The following CDK20 variants were observed in gnomAD, a reference collection of about 807,000 sequenced individuals.
The protein encoded by CDK20 is cyclin-dependent kinase 20.
Under a neutral mutation model 38.6 loss-of-function variants are expected in CDK20, and 40 were observed. The observed-to-expected ratio is 1.04, with a 90% CI of 0.81 to 1.35. The LOEUF (loss-of-function observed/expected upper bound fraction) is 1.35, where lower values mean the gene tolerates loss of function less well. Ranked by LOEUF, CDK20 falls within the 40% of genes most tolerant of loss-of-function variation. The probability of loss-of-function intolerance (pLI) is 0.00; values close to 1 mark genes in which losing one functional copy is unlikely to be tolerated. For synonymous variants in CDK20, 209 were observed against 185.7 expected (o/e 1.13, Z -1.02); for missense variants, 512 against 452.6 (o/e 1.13, Z -1.19).
intron 2 of CDK20, among the ~76,000 whole-genome samples, chr9:87,972,304 G>C (rs902861719): frequency 6.6e-6 from 1 of 152,292 alleles, no homozygotes; most frequent in Non-Finnish European, 1.5e-5. Flanking sequence ...GGCTAGATGA[G>C]GACCCAGTTT....
chr9:87,970,907 C>A lies in CDK20; in HGVS notation c.379-10G>T. On this transcript the variant is annotated splice_polypyrimidine_tract_variant and intron_variant, in intron 3 of 7. Coordinates refer to ENST00000325303, the MANE Select transcript of CDK20 (RefSeq NM_001039803.3). ...TGGCAGGTTTCAGGTCCTGGGAGTA[C>A]CAAAAGAAGCATCAGTCCCTCCAAA... The A allele has an allele frequency of 6.2e-7, 1 of 1,614,016 alleles. No homozygotes were observed. Among genetic ancestry groups the A allele is most frequent in the Non-Finnish European group, 8.5e-7 (1 of 1,179,966 alleles).
rs1484649872 is a variant in CDK20, at chr9:87,971,286, GC to G, written c.238del (p.Ala80ProfsTer20). 6.2e-7 allele frequency: 1 copy of G among 1,614,000 alleles called. No homozygotes were observed. Among genetic ancestry groups the G allele is most frequent in the South Asian group, 1.1e-5 (1 of 91,046 alleles). ...VFPHGGGFVL[A>X]FEFMLSDLAE... ...CAGATCCGACAGCATGAACTCAAAGGCCAGCACAAAGCCTCCACCGTGTGGG... is the reference window on the plus strand; with the variant it reads ...CAGATCCGACAGCATGAACTCAAAGGCAGCACAAAGCCTCCACCGTGTGGG... On this transcript the variant is annotated frameshift_variant, in exon 3 of 8. Transcript: ENST00000325303. LOFTEE classifies it high-confidence loss of function.
Position 87,966,711 on chromosome 9 carries a change from T to C in CDK20, c.*751A>G, listed in dbSNP as rs756768000. The stretch of plus-strand genomic sequence containing the variant: ...CTGGCTCACGCTCATCCTGAGGGAG[T>C]AGATGTTGGTAAACCAGCCTCATGT... On this transcript the variant is annotated 3_prime_UTR_variant, in exon 8 of 8. Transcript: ENST00000325303. 1 of 248,090 alleles carries C rather than the reference T, an allele frequency of 4.0e-6. No individual in the cohort carries two copies. Among genetic ancestry groups the C allele is most frequent in the Non-Finnish European group, 8.0e-6 (1 of 124,308 alleles). 15.4% of individuals were successfully genotyped at this position (248,090 alleles called of 1,614,324 possible).
chr9:87,969,798 G>C lies in CDK20; in HGVS notation c.685C>G (p.Pro229Ala). 6.2e-7 allele frequency: 1 copy of C among 1,613,708 alleles called. No homozygotes were observed. Among genetic ancestry groups the C allele is most frequent in the Non-Finnish European group, 8.5e-7 (1 of 1,179,802 alleles). ...ILGTPNPQVW[P>A]ELTELPDYNK... ...CCTCACCAAGGGCCCCTACAAACCGGCCAGACTTGAGGGTTTGGGGTGCCC... is the reference window on the plus strand; with the variant it reads ...CCTCACCAAGGGCCCCTACAAACCGCCCAGACTTGAGGGTTTGGGGTGCCC... Residue 229 changes from proline (P) to alanine (A), a missense_variant and splice_region_variant, in exon 6 of 8, where the codon CCG (proline) becomes GCG (alanine). Coordinates refer to ENST00000325303, the MANE Select transcript of CDK20 (RefSeq NM_001039803.3).
chr9:87,973,658 GTGAA>G (rs34409857), intron 2 of CDK20, among the ~76,000 whole-genome samples: 3,860 of 152,216 alleles, frequency 0.025, 148 homozygotes, highest in African/African-American at 0.086. Context: ...AAAAAAGTCG[GTGAA>G]TGAATGAATA....
At chr9:87,970,438 A>G (rs1829765249) in intron 5 of CDK20, 130 bp downstream of exon 5, 3 of 837,824 alleles carry the variant, frequency 3.6e-6, no homozygotes, top group Non-Finnish European at 5.5e-6. Flanking sequence ...GAATACCCCA[A>G]CCAGGGAAGA....
At chr9:87,969,692 G>A (rs1829711434) in intron 6 of CDK20, 104 bp downstream of exon 6, 1 of 1,529,796 alleles carries the variant, frequency 6.5e-7, no homozygotes, top group Non-Finnish European at 8.9e-7. Flanking sequence ...CATCAAGGGG[G>A]GTTGGGGCCA....
At chr9:87,973,552 AAG>A (rs2118339698) in intron 2 of CDK20, among the ~76,000 whole-genome samples, 1 of 152,316 alleles carries the variant, frequency 6.6e-6, no homozygotes, top group South Asian at 2.1e-4. Flanking sequence ...TACAGTAGTA[AAG>A]AGGTCTCAAA....
At chr9:87,974,116 A>T in intron 1 of CDK20, 81 bp from the exon 2 acceptor site, 1 of 1,600,800 alleles carries the variant, frequency 6.2e-7, no homozygotes, top group Admixed American at 1.7e-5. Flanking sequence ...AAGGTGGTTG[A>T]GAGAGAGACA....
chr9:87,967,446 G>T lies in CDK20; in HGVS notation c.*16C>A. The stretch of plus-strand genomic sequence containing the variant: ...GTGGTCCTGAGGAGCAGGCAGACGG[G>T]ACCAGGGCCAACTTCTCACCCCTCC... On this transcript the variant is annotated 3_prime_UTR_variant, in exon 8 of 8. Transcript: ENST00000325303. 6.4e-7 allele frequency: 1 copy of T among 1,552,320 alleles called. No individual in the cohort carries two copies. Among genetic ancestry groups the T allele is most frequent in the South Asian group, 1.2e-5 (1 of 84,046 alleles).
rs760742841 is a variant in CDK20, at chr9:87,971,355, T to G, written c.190-20A>C. 1 of 1,597,284 alleles carries G rather than the reference T, an allele frequency of 6.3e-7. No homozygotes were observed. Among genetic ancestry groups the G allele is most frequent in the Admixed American group, 1.7e-5 (1 of 57,746 alleles). On this transcript the variant is annotated intron_variant, in intron 2 of 7. Coordinates refer to ENST00000325303, the MANE Select transcript of CDK20 (RefSeq NM_001039803.3). ...TACCACCTGTGGGCAGGACATCTTGTTAGCCCCCAGACTCAAGTCACCAGA... is the reference window on the plus strand; with the variant it reads ...TACCACCTGTGGGCAGGACATCTTGGTAGCCCCCAGACTCAAGTCACCAGA...
Position 87,970,765 on chromosome 9 carries a change from G to C in CDK20, c.500+11C>G, listed in dbSNP as rs1829790535. On this transcript the variant is annotated intron_variant, in intron 4 of 7. Coordinates refer to ENST00000325303, the MANE Select transcript of CDK20 (RefSeq NM_001039803.3). Reference sequence around the variant, plus strand: ...CATGGAGAAGACTGGAAGGGATCTGGCCCTCCCTACCTGGTGGCCACCTGG... The same window carrying C: ...CATGGAGAAGACTGGAAGGGATCTGCCCCTCCCTACCTGGTGGCCACCTGG... The C allele has an allele frequency of 6.2e-7, 1 of 1,613,960 alleles. No homozygotes were observed. Among genetic ancestry groups the C allele is most frequent in the African/African-American group, 1.3e-5 (1 of 74,900 alleles).
In CDK20 at chr9:87,974,032, C is replaced by A; in HGVS notation, c.79G>T (p.Gly27Cys). 1 of 1,614,130 alleles carries A rather than the reference C, an allele frequency of 6.2e-7. No individual in the cohort carries two copies. Among genetic ancestry groups the A allele is most frequent in the Non-Finnish European group, 8.5e-7 (1 of 1,180,044 alleles). The part of the protein sequence containing the change: ...IVFKAKHVET[G>C]EIVALKKVAL... ...ACCTTCTTGAGGGCAACTATCTCGCCAGTCTGCAGGATAGAAGGCAGACAC... is the reference window on the plus strand; with the variant it reads ...ACCTTCTTGAGGGCAACTATCTCGCAAGTCTGCAGGATAGAAGGCAGACAC... Residue 27 changes from glycine (G) to cysteine (C), a missense_variant, in exon 2 of 8, where the codon GGC (glycine) becomes TGC (cysteine). By Grantham distance (159) the Gly-to-Cys change is radical (BLOSUM62 -3). Transcript: ENST00000325303.
rs1192063245 is a variant in CDK20, at chr9:87,967,526, T to C, written c.977A>G (p.Asp326Gly). The C allele has an allele frequency of 1.3e-6, 2 of 1,555,286 alleles. No individual in the cohort carries two copies. The highest frequency in any genetic ancestry group is 1.4e-5 in the African/African-American group (1 of 73,194). The change falls in exon 8 of 8, where the codon GAC becomes GGC. Residue 326 changes from aspartate to glycine, a missense_variant. Coordinates refer to ENST00000325303, the MANE Select transcript of CDK20 (RefSeq NM_001039803.3). Reference sequence around the variant, plus strand: ...CAACAGCGACTCCTCAAGAGGCCGGTCCACGTGGAAGTCATGGATGTGGGG... The same window carrying C: ...CAACAGCGACTCCTCAAGAGGCCGGCCCACGTGGAAGTCATGGATGTGGGG... ...GPPHIHDFHV[D>G]RPLEESLLNP...
At chr9:87,973,500 C>T (rs920091688) in intron 2 of CDK20, among the ~76,000 whole-genome samples, 1 of 152,176 alleles carries the variant, frequency 6.6e-6, no homozygotes, top group Non-Finnish European at 1.5e-5. Context: ...GACATAACCT[C>T]CTCCTCTCAC....
chr9:87,969,453 T>G, intron 6 of CDK20, 104 bp from the exon 7 acceptor site: 1 of 1,236,580 alleles, frequency 8.1e-7, no homozygotes, highest in Admixed American at 2.0e-5. Flanking sequence ...ACATGGGGGG[T>G]GCTCTCCCAT....
intron 2 of CDK20, among the ~76,000 whole-genome samples, chr9:87,972,443 C>T (rs982706730): frequency 6.6e-6 from 1 of 152,118 alleles, no homozygotes; most frequent in Non-Finnish European, 1.5e-5. Flanking sequence ...CTGCCTTGTT[C>T]TGTGCTCCTG....
rs1367679044 is a variant in CDK20, at chr9:87,967,563, G to C, written c.940C>G (p.His314Asp). The change falls in exon 8 of 8, where the codon CAT becomes GAT. Residue 314 changes from histidine (H) to aspartate (D), a missense_variant. His to Asp is a moderately conservative substitution (Grantham distance 81). Coordinates refer to ENST00000325303, the MANE Select transcript of CDK20 (RefSeq NM_001039803.3). ...TCATGGATGTGGGGGGGCCCTGGAT[G>C]GGCCTTGGGGGCAGGTCCCCCTAGA... ...QRLGGPAPKA[H>D]PGPPHIHDFH... 7 of 1,550,284 alleles carry C rather than the reference G, an allele frequency of 4.5e-6. No homozygotes were observed. The highest frequency in any genetic ancestry group is 5.2e-6 in the Non-Finnish European group (6 of 1,146,110).
chr9:87,974,359 G>C lies in CDK20; in HGVS notation c.75+13C>G. The C allele has an allele frequency of 6.2e-7, 1 of 1,610,434 alleles. No individual in the cohort carries two copies. The stretch of plus-strand genomic sequence containing the variant: ...ACACCCCCGCCAGGCTGCCGGCCGC[G>C]GTCCAGCCTCACCTCCACGTGCTTG... On this transcript the variant is annotated intron_variant, in intron 1 of 7. Coordinates refer to ENST00000325303, the MANE Select transcript of CDK20 (RefSeq NM_001039803.3).
Sources: gnomAD v4.1 joint callset for allele counts (sites outside exome capture counted in the v4.1 genomes callset) on GRCh38, gnomAD v4.1.1 for gene constraint, MANE v1.5 for transcripts, NCBI Gene and HGNC (gene_info 2026-07-23, HGNC 2026-07-21) for gene names.